CSMD1: variants seen among roughly 807,000 people sequenced by gnomAD.
The protein encoded by CSMD1 is CUB and Sushi multiple domains 1.
In CSMD1, 213 loss-of-function variants were observed where a neutral mutation model predicts 417.5. That is an observed-to-expected ratio of 0.51 (90% CI 0.46 to 0.57). CSMD1 has a LOEUF of 0.57. Ranked by LOEUF, CSMD1 falls within the 20% of genes least tolerant of loss-of-function variation. The probability of loss-of-function intolerance (pLI) is 0.00; values close to 1 mark genes in which losing one functional copy is unlikely to be tolerated. For synonymous variants in CSMD1, 2,862 were observed against 1,736.8 expected, an observed-to-expected ratio of 1.65 and a Z score of -16.11; for missense variants, 6,923 against 4,529.7, an observed-to-expected ratio of 1.53 and a Z score of -15.17.
intron 5 of CSMD1, among the ~76,000 whole-genome samples, chr8:3,968,488 T>C (rs1022528636): frequency 6.6e-6 from 1 of 152,148 alleles, no homozygotes; most frequent in Non-Finnish European, 1.5e-5. Flanking sequence ...AAGTACATCT[T>C]CCGGATTCAA....
intron 48 of CSMD1, among the ~76,000 whole-genome samples, chr8:3,090,316 C>CAAAAAAAAAAA (rs35534326): frequency 3.8e-5 from 3 of 79,788 alleles, no homozygotes; most frequent in Non-Finnish European, 2.3e-5. Context: ...GACTGTATTT[C>CAAAAAAAAAAA]AAAAAAAAAA....
At chr8:3,128,925 C>T in intron 41 of CSMD1, 1 of 445,408 alleles carries the variant, frequency 2.2e-6, no homozygotes, top group Non-Finnish European at 4.5e-6. Flanking sequence ...AAAGGGAAAG[C>T]AGATCTAAGG....
At chr8:3,262,389 G>C (rs371357354) in intron 26 of CSMD1, among the ~76,000 whole-genome samples, 1 of 151,206 alleles carries the variant, frequency 6.6e-6, no homozygotes, top group Non-Finnish European at 1.5e-5. Flanking sequence ...GAAGATGACA[G>C]TATCCATTTT....
intron 30 of CSMD1, among the ~76,000 whole-genome samples, chr8:3,214,215 A>T (rs1005179435): frequency 9.2e-5 from 14 of 152,172 alleles, no homozygotes; most frequent in African/African-American, 3.4e-4. Flanking sequence ...AGCACCTCTT[A>T]TAAAGAACAG....
At chr8:3,611,913 T>C (rs1017505687) in intron 8 of CSMD1, among the ~76,000 whole-genome samples, 2 of 152,114 alleles carry the variant, frequency 1.3e-5, no homozygotes, top group South Asian at 4.1e-4. Flanking sequence ...CAAAACCCCA[T>C]ATCCAAATTG....
At chr8:3,577,080 A>G (rs1176233449) in intron 9 of CSMD1, among the ~76,000 whole-genome samples, 3 of 152,188 alleles carry the variant, frequency 2.0e-5, no homozygotes, top group African/African-American at 7.2e-5. Context: ...CCTACTGACA[A>G]GGTGGGCTCA....
chr8:4,223,384 A>C (rs1167856876), intron 3 of CSMD1, among the ~76,000 whole-genome samples: 1 of 152,264 alleles, frequency 6.6e-6, no homozygotes, highest in Non-Finnish European at 1.5e-5. Flanking sequence ...AAGTAAATTC[A>C]GCTGCCGCCA....
intron 41 of CSMD1, among the ~76,000 whole-genome samples, chr8:3,120,153 G>A (rs1423333981): frequency 6.6e-6 from 1 of 152,102 alleles, no homozygotes; most frequent in Non-Finnish European, 1.5e-5. Context: ...TTCAGGACCT[G>A]AGAAAAAGAG....
At chr8:3,902,808 A>G (rs2129134555) in intron 5 of CSMD1, among the ~76,000 whole-genome samples, 1 of 152,238 alleles carries the variant, frequency 6.6e-6, no homozygotes, top group Non-Finnish European at 1.5e-5. Flanking sequence ...TATGAGAATT[A>G]AATTACATAA....
At chr8:4,414,347 C>CA (rs1269678365) in intron 3 of CSMD1, among the ~76,000 whole-genome samples, 4 of 152,176 alleles carry the variant, frequency 2.6e-5, no homozygotes, top group Non-Finnish European at 4.4e-5. Context: ...GTCTCTCTAG[C>CA]AGCCCAGATT....
intron 3 of CSMD1, among the ~76,000 whole-genome samples, chr8:4,062,872 C>G (rs116607664): frequency 3.3e-5 from 5 of 150,190 alleles, no homozygotes; most frequent in African/African-American, 1.2e-4. Flanking sequence ...AAAGCCTGTA[C>G]GTAATACTGA....
chr8:4,774,464 T>G (rs1796746434), intron 1 of CSMD1, among the ~76,000 whole-genome samples: 1 of 152,122 alleles, frequency 6.6e-6, no homozygotes, highest in Non-Finnish European at 1.5e-5. Flanking sequence ...ACAATGCCAT[T>G]TAGAGTAATA....
intron 26 of CSMD1, among the ~76,000 whole-genome samples, chr8:3,253,590 C>T (rs1800431183): frequency 6.6e-6 from 1 of 152,136 alleles, no homozygotes; most frequent in African/African-American, 2.4e-5. Context: ...TCCTTTTTAA[C>T]TTCCTGTCTC....
intron 30 of CSMD1, among the ~76,000 whole-genome samples, chr8:3,211,765 C>T (rs917318648): frequency 3.9e-5 from 6 of 152,208 alleles, no homozygotes; most frequent in African/African-American, 7.2e-5. Context: ...GGCCATGCCT[C>T]GTCCAGAAGG....
intron 3 of CSMD1, among the ~76,000 whole-genome samples, chr8:4,209,118 A>T (rs1800152982): frequency 6.6e-6 from 1 of 152,178 alleles, no homozygotes; most frequent in Non-Finnish European, 1.5e-5. Flanking sequence ...TACAGTGTTA[A>T]CACATCTTCA....
chr8:3,827,619 C>T (rs1321870422), intron 5 of CSMD1, among the ~76,000 whole-genome samples: 1 of 152,168 alleles, frequency 6.6e-6, no homozygotes, highest in East Asian at 1.9e-4. Context: ...TCATATGGAA[C>T]TAATCTTTCT....
chr8:3,362,243 A>C (rs1809236551), intron 20 of CSMD1, among the ~76,000 whole-genome samples: 1 of 152,040 alleles, frequency 6.6e-6, no homozygotes, highest in Non-Finnish European at 1.5e-5. Context: ...CATTAGCACA[A>C]ATTTTTCAAA....
intron 4 of CSMD1, among the ~76,000 whole-genome samples, chr8:4,007,468 C>T (rs538580769): frequency 2.0e-5 from 3 of 152,258 alleles, no homozygotes; most frequent in African/African-American, 7.2e-5. Context: ...ACTTCAGAGC[C>T]CCTCACAAGG....
intron 23 of CSMD1, among the ~76,000 whole-genome samples, chr8:3,322,768 C>CA (rs373643203): frequency 6.6e-6 from 1 of 152,190 alleles, no homozygotes. Flanking sequence ...ACTTAACCCG[C>CA]AAACCTCAAA....
Sources: gnomAD v4.1 joint callset for allele counts (sites outside exome capture counted in the v4.1 genomes callset) on GRCh38, gnomAD v4.1.1 for gene constraint, MANE v1.5 for transcripts, NCBI Gene and HGNC (gene_info 2026-07-23, HGNC 2026-07-21) for gene names.